PRDM16: variants seen among roughly 807,000 people sequenced by gnomAD.
The protein encoded by PRDM16 is histone-lysine N-methyltransferase PRDM16.
Under a neutral mutation model 110.6 loss-of-function variants are expected in PRDM16, and 23 were observed. The ratio of observed to expected loss-of-function variants is 0.21; its 90% CI spans 0.15 to 0.29. PRDM16 has a LOEUF of 0.29. Among genes scored for constraint, PRDM16 ranks in the 10% least tolerant of loss-of-function variants. PRDM16 has a pLI of 1.00. For synonymous variants in PRDM16, 799 were observed against 781.8 expected (o/e 1.02, Z -0.37); for missense variants, 1,615 against 1,794.3 (o/e 0.90, Z 1.81).
intron 1 of PRDM16, among the ~76,000 whole-genome samples, chr1:3,172,584 C>T (rs1051149507): frequency 5.3e-5 from 8 of 152,106 alleles, no homozygotes; most frequent in African/African-American, 1.7e-4. Flanking sequence ...AAGCCAAAGG[C>T]GGCACCCACA....
intron 1 of PRDM16, among the ~76,000 whole-genome samples, chr1:3,173,408 C>G (rs1644050348): frequency 1.3e-5 from 2 of 152,248 alleles, no homozygotes; most frequent in Admixed American, 1.3e-4. Flanking sequence ...ACGCTGCTGT[C>G]CCCGGAGCAT....
At position 3,375,586 on chromosome 1, in the gene PRDM16, C is replaced by G. The variant is rs148166068; in HGVS notation, c.439-9566C>G. 4.8e-3 allele frequency among the ~76,000 whole-genome samples: 729 copies of G among 152,322 alleles called. 4 individuals are homozygous for G. The highest frequency in any genetic ancestry group is 0.017 in the African/African-American group (701 of 41,568). ...GACGGGGCCGAGTTTGGGGACATACCAGGAGCACGCCATGTGCAGGTTGCA... is the reference window on the plus strand; with the variant it reads ...GACGGGGCCGAGTTTGGGGACATACGAGGAGCACGCCATGTGCAGGTTGCA... On this transcript the variant is annotated intron_variant, in intron 3 of 16. Coordinates refer to ENST00000270722, the MANE Select transcript of PRDM16 (RefSeq NM_022114.4).
chr1:3,305,549 T>C (rs7534363), intron 3 of PRDM16, among the ~76,000 whole-genome samples: 18,166 of 152,274 alleles, frequency 0.12, 3,585 homozygotes, highest in African/African-American at 0.41. Flanking sequence ...ATGCAGGTAA[T>C]GATGTTGGCT....
chr1:3,181,586 A>G (rs1644191813), intron 1 of PRDM16, among the ~76,000 whole-genome samples: 1 of 146,646 alleles, frequency 6.8e-6, no homozygotes, highest in Admixed American at 6.7e-5. Flanking sequence ...ACACGGTCTT[A>G]CATATGGTCT....
At chr1:3,187,195 C>T (rs1187239217) in intron 2 of PRDM16, among the ~76,000 whole-genome samples, 1 of 152,092 alleles carries the variant, frequency 6.6e-6, no homozygotes, top group African/African-American at 2.4e-5. Flanking sequence ...TTGAGTGGTC[C>T]TAGGGGGACT....
intron 2 of PRDM16, among the ~76,000 whole-genome samples, chr1:3,239,545 T>C (rs1426883567): frequency 3.3e-5 from 5 of 151,450 alleles, no homozygotes; most frequent in South Asian, 2.2e-4. Flanking sequence ...ACTCCACCCA[T>C]AGGGGCTTCT....
intron 1 of PRDM16, among the ~76,000 whole-genome samples, chr1:3,073,223 C>G (rs949696740): frequency 3.9e-5 from 6 of 152,224 alleles, no homozygotes; most frequent in Non-Finnish European, 7.3e-5. Context: ...GGGCTCCCCC[C>G]ACCGGGCCCC....
chr1:3,181,067 C>T (rs1457459154), intron 1 of PRDM16, among the ~76,000 whole-genome samples: 1 of 147,060 alleles, frequency 6.8e-6, no homozygotes, highest in Non-Finnish European at 1.5e-5. Flanking sequence ...CGCGGTCTTA[C>T]ACACCCGGTC....
At chr1:3,070,143 G>A (rs1641713508) in intron 1 of PRDM16, among the ~76,000 whole-genome samples, 1 of 151,902 alleles carries the variant, frequency 6.6e-6, no homozygotes, top group Non-Finnish European at 1.5e-5. Flanking sequence ...CTCTGTACCC[G>A]CTTGCCTGGC....
At chr1:3,168,571 TC>T (rs1340005610) in intron 1 of PRDM16, among the ~76,000 whole-genome samples, 1 of 151,208 alleles carries the variant, frequency 6.6e-6, no homozygotes, top group Non-Finnish European at 1.5e-5. Context: ...CCGCAGCTAT[TC>T]CCGCCCCACC....
intron 1 of PRDM16, among the ~76,000 whole-genome samples, chr1:3,105,490 A>G (rs1190944206): frequency 6.6e-6 from 1 of 152,222 alleles, no homozygotes; most frequent in East Asian, 1.9e-4. Flanking sequence ...GCTGCAGGAA[A>G]GGGAACCCTT....
In PRDM16 at chr1:3,175,471, G is replaced by A. The variant is rs1644074041; in HGVS notation, c.38-10654G>A. Among the ~76,000 whole-genome samples, 1 of 152,162 alleles carries A rather than the reference G, an allele frequency of 6.6e-6. No individual in the cohort carries two copies. The highest frequency in any genetic ancestry group is 2.4e-5 in the African/African-American group (1 of 41,432). ...CTCCCTCTCCCTGTTTTGTTCAGGG[G>A]GCAGGATGGCCCTTCACTGCTCATG... On this transcript the variant is annotated intron_variant, in intron 1 of 16. Coordinates refer to ENST00000270722, the MANE Select transcript of PRDM16 (RefSeq NM_022114.4). This position sits in a 1 kb window ranked among gnomAD's most constrained non-coding sequence, Gnocchi z 4.8.
chr1:3,159,320 C>T (rs1041712638), intron 1 of PRDM16, among the ~76,000 whole-genome samples: 3 of 152,236 alleles, frequency 2.0e-5, no homozygotes, highest in Non-Finnish European at 4.4e-5. Context: ...CCTCGCAGAC[C>T]GCAGGGCTTG....
chr1:3,103,044 G>T (rs1393703806), intron 1 of PRDM16, among the ~76,000 whole-genome samples: 1 of 152,206 alleles, frequency 6.6e-6, no homozygotes, highest in African/African-American at 2.4e-5. Context: ...CCAGTCTGGG[G>T]TGCAAATACG....
At chr1:3,268,357 C>G (rs972961614) in intron 3 of PRDM16, among the ~76,000 whole-genome samples, 9 of 152,206 alleles carry the variant, frequency 5.9e-5, no homozygotes, top group East Asian at 1.9e-4. Flanking sequence ...GATTGTGACC[C>G]CTTAATTAAT....
In PRDM16 at chr1:3,416,938, G is replaced by C. The variant is rs547956407; in HGVS notation, c.2692-890G>C. Among the ~76,000 whole-genome samples, 8 of 152,350 alleles carry C rather than the reference G, an allele frequency of 5.3e-5. No individual in the cohort carries two copies. In the South Asian group the frequency reaches 1.4e-3, roughly 28 times the overall value. ...GGTGGCCCATCTCCTTCTCCACTGAGGTCAGCTCCAAATCTTCAAAGAGAA... is the reference window on the plus strand; with the variant it reads ...GGTGGCCCATCTCCTTCTCCACTGACGTCAGCTCCAAATCTTCAAAGAGAA... On this transcript the variant is annotated intron_variant, in intron 10 of 16. Coordinates refer to ENST00000270722, the MANE Select transcript of PRDM16 (RefSeq NM_022114.4).
Position 3,186,153 on chromosome 1 carries a change from T to C in PRDM16, c.66T>C (p.Tyr22=), listed in dbSNP as rs1644264570. The change falls in exon 2 of 17, where the codon TAT becomes TAC. Residue 22 remains tyrosine, a synonymous_variant. Transcript: ENST00000270722. Reference sequence around the variant, plus strand: ...ACGGTGACGTTGTAAATAATATGTATGAGCCCAACCGGGACCTGCTGGCCA... The same window carrying C: ...ACGGTGACGTTGTAAATAATATGTACGAGCCCAACCGGGACCTGCTGGCCA... ...KSDGDVVNNM[Y]EPNRDLLASH... is the part of the protein sequence containing the mutation. 1.2e-6 allele frequency: 2 copies of C among 1,612,784 alleles called. No homozygotes were observed. Among genetic ancestry groups the C allele is most frequent in the Middle Eastern group, 3.3e-4 (2 of 6,062 alleles).
In PRDM16 at chr1:3,208,034, G is replaced by A. The variant is rs1003649132; in HGVS notation, c.387+21560G>A. On this transcript the variant is annotated intron_variant, in intron 2 of 16. Coordinates refer to ENST00000270722, the MANE Select transcript of PRDM16 (RefSeq NM_022114.4). This position sits in a 1 kb window ranked among gnomAD's most constrained non-coding sequence, Gnocchi z 6.1. ...CCTGTGCCTTGGTTTGCTCATCTGCGAGAGTCCCGGCCTCCCTAGGCTGTT... is the reference window on the plus strand; with the variant it reads ...CCTGTGCCTTGGTTTGCTCATCTGCAAGAGTCCCGGCCTCCCTAGGCTGTT... The A allele has an allele frequency of 4.6e-5, 7 of 152,294 alleles. No homozygotes were observed. Among genetic ancestry groups the A allele is most frequent in the African/African-American group, 9.6e-5 (4 of 41,454 alleles). 9.4% of individuals were successfully genotyped at this position (152,294 alleles called of 1,614,324 possible). A position where few individuals can be genotyped will look rare whatever the true frequency, so the allele number is the denominator to read the frequency against.
rs533519172 is a variant in PRDM16, at chr1:3,158,693, CT to C, written c.38-27425del. The stretch of plus-strand genomic sequence containing the variant: ...TCTTTCTTTCTTTCTTTCTCTTTCT[CT>C]TTTTTTCTCTTTCTTTCTTTCTTCC... On this transcript the variant is annotated intron_variant, in intron 1 of 16. Coordinates refer to ENST00000270722, the MANE Select transcript of PRDM16 (RefSeq NM_022114.4). Among the ~76,000 whole-genome samples the C allele has an allele frequency of 3.8e-3, 577 of 151,172 alleles. 2 individuals are homozygous for C. The highest frequency in any genetic ancestry group is 0.027 in the Middle Eastern group (8 of 292).
Sources: allele counts gnomAD v4.1 joint callset (sites outside exome capture counted in the v4.1 genomes callset), GRCh38; gene constraint gnomAD v4.1.1; non-coding constraint Gnocchi (gnomAD v3.1); transcripts MANE v1.5; gene names NCBI Gene and HGNC (gene_info 2026-07-23, HGNC 2026-07-21).